The following KIF6 variants were observed in gnomAD, a reference collection of about 807,000 sequenced individuals.
KIF6 encodes kinesin-like protein KIF6.
KIF6 carries 106 observed loss-of-function variants against 112.7 expected under a neutral mutation model. The observed-to-expected ratio is 0.94, with a 90% confidence interval of 0.80 to 1.11. KIF6 has a LOEUF of 1.11. KIF6 is among the 50% of genes least tolerant of loss of function. The probability of loss-of-function intolerance (pLI) is 0.00; values close to 1 mark genes in which losing one functional copy is unlikely to be tolerated. For missense variants in KIF6, 929 were observed against 964.0 expected (o/e 0.96, Z 0.48); for synonymous variants, 339 against 339.9 (o/e 1.00, Z 0.03).
At chr6:39,385,551 G>T in intron 16 of KIF6, 71 bp downstream of exon 16, 1 of 1,285,582 alleles carries the variant, frequency 7.8e-7, no homozygotes, top group Non-Finnish European at 1.1e-6. Context: ...TTTTAGCTGG[G>T]TTTGGATTCC....
chr6:39,507,570 C>T (rs935740994), intron 13 of KIF6, among the ~76,000 whole-genome samples: 1 of 151,934 alleles, frequency 6.6e-6, no homozygotes, highest in Non-Finnish European at 1.5e-5. Flanking sequence ...AAGGCCATAA[C>T]CTACCATATA....
At chr6:39,647,672 T>C (rs1052642219) in intron 3 of KIF6, among the ~76,000 whole-genome samples, 1 of 151,878 alleles carries the variant, frequency 6.6e-6, no homozygotes, top group African/African-American at 2.4e-5. Flanking sequence ...ATTATGGCTA[T>C]GTCAGGAACC....
At chr6:39,352,338 A>C (rs1764319111) in intron 19 of KIF6, among the ~76,000 whole-genome samples, 1 of 152,166 alleles carries the variant, frequency 6.6e-6, no homozygotes, top group Admixed American at 6.5e-5. Context: ...AGCTCTATGG[A>C]TTTTGACAAA....
At chr6:39,336,913 C>T (rs1277691280) in intron 22 of KIF6, among the ~76,000 whole-genome samples, 1 of 146,100 alleles carries the variant, frequency 6.8e-6, no homozygotes, top group Non-Finnish European at 1.5e-5. Flanking sequence ...CCTTTCTTCC[C>T]TTTCTTCCCT....
At chr6:39,710,334 A>G (rs1386468492) in intron 3 of KIF6, among the ~76,000 whole-genome samples, 1 of 152,166 alleles carries the variant, frequency 6.6e-6, no homozygotes, top group Non-Finnish European at 1.5e-5. Flanking sequence ...CAGCATGCTC[A>G]AACAGACAAA....
At chr6:39,487,680 A>C (rs1347403065) in intron 13 of KIF6, among the ~76,000 whole-genome samples, 2 of 152,228 alleles carry the variant, frequency 1.3e-5, no homozygotes, top group African/African-American at 2.4e-5. Context: ...AAAGCATCTA[A>C]ATTCACCACT....
intron 10 of KIF6, among the ~76,000 whole-genome samples, chr6:39,556,437 C>T (rs188296602): frequency 3.3e-5 from 5 of 152,162 alleles, no homozygotes; most frequent in African/African-American, 9.6e-5. Flanking sequence ...ATCATCATGA[C>T]GAAGGCTGAA....
At chr6:39,655,223 T>G (rs1785708423) in intron 3 of KIF6, among the ~76,000 whole-genome samples, 1 of 152,218 alleles carries the variant, frequency 6.6e-6, no homozygotes, top group African/African-American at 2.4e-5. Context: ...TATATTCACG[T>G]TAAGCATACT....
Position 39,536,207 on chromosome 6 carries a change from T to G in KIF6, c.1645+3796A>C, listed in dbSNP as rs1278060445. ...AAGCTAGCAGAAGGCAAGAAATAAC[T>G]AAAATCAGAGCAGAACTGAAGGAAA... On this transcript the variant is annotated intron_variant, in intron 13 of 22. Transcript: ENST00000287152. Among the ~76,000 whole-genome samples the G allele has an allele frequency of 5.2e-3, 789 of 151,032 alleles. 4 individuals are homozygous for G. The highest frequency in any genetic ancestry group is 0.01 in the Middle Eastern group (3 of 294).
chr6:39,461,176 AT>A (rs1478218523), intron 13 of KIF6, among the ~76,000 whole-genome samples: 1 of 152,226 alleles, frequency 6.6e-6, no homozygotes, highest in Non-Finnish European at 1.5e-5. Flanking sequence ...GTCCAACTTA[AT>A]AACAATGAGA....
At chr6:39,337,494 C>T (rs1017626064) in intron 22 of KIF6, among the ~76,000 whole-genome samples, 1 of 151,504 alleles carries the variant, frequency 6.6e-6, no homozygotes. Flanking sequence ...TGTATTTTTA[C>T]TAGAGATGGG....
chr6:39,490,617 G>A (rs1775423011), intron 13 of KIF6, among the ~76,000 whole-genome samples: 1 of 152,212 alleles, frequency 6.6e-6, no homozygotes, highest in South Asian at 2.1e-4. Context: ...CAGACTGAAG[G>A]TAGCTGGAGC....
intron 7 of KIF6, among the ~76,000 whole-genome samples, chr6:39,587,036 T>C (rs143872598): frequency 6.6e-6 from 1 of 152,344 alleles, no homozygotes; most frequent in East Asian, 1.9e-4. Flanking sequence ...GCTCCCATTG[T>C]AAGCAATGGG....
At chr6:39,527,403 G>C (rs1403927427) in intron 13 of KIF6, among the ~76,000 whole-genome samples, 1 of 151,648 alleles carries the variant, frequency 6.6e-6, no homozygotes, top group Non-Finnish European at 1.5e-5. Context: ...CTATTTACTT[G>C]CTCTCCAGGC....
chr6:39,557,600 G>C (rs998579539), intron 10 of KIF6, among the ~76,000 whole-genome samples: 5 of 151,982 alleles, frequency 3.3e-5, no homozygotes, highest in Non-Finnish European at 7.4e-5. Flanking sequence ...CCTAATAAAA[G>C]TCCCATTGCA....
intron 21 of KIF6, 79 bp downstream of exon 21, chr6:39,345,621 C>G: frequency 8.3e-7 from 1 of 1,203,924 alleles, no homozygotes; most frequent in South Asian, 1.4e-5. Context: ...GGGGCTTTTT[C>G]GGGGAGTAGA....
At chr6:39,535,604 A>C (rs1467360518) in intron 13 of KIF6, among the ~76,000 whole-genome samples, 2 of 152,238 alleles carry the variant, frequency 1.3e-5, no homozygotes, top group African/African-American at 4.8e-5. Flanking sequence ...ACTGCCACAC[A>C]ATAATAATGG....
chr6:39,720,413 G>C (rs892070336), intron 2 of KIF6, among the ~76,000 whole-genome samples: 2 of 152,128 alleles, frequency 1.3e-5, no homozygotes, highest in Non-Finnish European at 2.9e-5. Flanking sequence ...GGAACTTTCT[G>C]TAAGTGCTAA....
At chr6:39,414,175 C>T (rs1468165386) in intron 15 of KIF6, among the ~76,000 whole-genome samples, 1 of 151,950 alleles carries the variant, frequency 6.6e-6, no homozygotes, top group Non-Finnish European at 1.5e-5. Flanking sequence ...ATTTTCTGGT[C>T]CCCGATGACT....
Sources: gnomAD v4.1 joint callset for allele counts (sites outside exome capture counted in the v4.1 genomes callset) on GRCh38, gnomAD v4.1.1 for gene constraint, MANE v1.5 for transcripts, NCBI Gene and HGNC (gene_info 2026-07-23, HGNC 2026-07-21) for gene names.